Variants in PTPRJ observed in about 807,000 individuals in gnomAD.
The protein encoded by PTPRJ is receptor-type tyrosine-protein phosphatase eta.
A neutral mutation model predicts 141.3 loss-of-function variants in PTPRJ; 129 were observed. That is an observed-to-expected ratio of 0.91 (90% CI 0.79 to 1.06). The LOEUF is 1.06. PTPRJ is among the 50% of genes least tolerant of loss of function. The pLI is 0.00. For synonymous variants in PTPRJ, 610 were observed against 640.5 expected (o/e 0.95, Z 0.72); for missense variants, 1,601 against 1,679.7 (o/e 0.95, Z 0.82).
chr11:48,008,272 AT>A, intron 1 of PTPRJ, among the ~76,000 whole-genome samples: 1 of 152,048 alleles, frequency 6.6e-6, no homozygotes, highest in South Asian at 2.1e-4. Context: ...TTATTTATTT[AT>A]TTTTTGAGAC....
intron 1 of PTPRJ, among the ~76,000 whole-genome samples, chr11:48,019,842 G>A (rs1855063579): frequency 6.6e-6 from 1 of 152,156 alleles, no homozygotes; most frequent in African/African-American, 2.4e-5. Context: ...GGGGACAGGC[G>A]AGGAACCATA....
chr11:48,131,404 T>G, intron 8 of PTPRJ: 1 of 694,006 alleles, frequency 1.4e-6, no homozygotes, highest in East Asian at 2.6e-5. Context: ...ATTTATTTCT[T>G]TCACAAACAT....
chr11:47,999,122 G>A (rs1044645093), intron 1 of PTPRJ, among the ~76,000 whole-genome samples: 1 of 152,226 alleles, frequency 6.6e-6, no homozygotes, highest in Non-Finnish European at 1.5e-5. Flanking sequence ...GACTGCTTGG[G>A]CCCTGTATAG....
rs374932726 is a variant in PTPRJ, at chr11:48,006,496, G to A, written c.96+25488G>A. On this transcript the variant is annotated intron_variant, in intron 1 of 24. Transcript: ENST00000418331. ...CTCTGAACCCTGCAAAAGCTCCCACGTGGAGGCCAGTGAGCTGGTTATAAT... is the reference window on the plus strand; with the variant it reads ...CTCTGAACCCTGCAAAAGCTCCCACATGGAGGCCAGTGAGCTGGTTATAAT... 5.9e-5 allele frequency among the ~76,000 whole-genome samples: 9 copies of A among 152,258 alleles called. No individual in the cohort carries two copies. In the South Asian group the frequency reaches 1.5e-3, roughly 25 times the overall value.
At chr11:48,159,116 A>AGGGGG (rs1857691597) in intron 21 of PTPRJ, among the ~76,000 whole-genome samples, 1 of 8,372 alleles carries the variant, frequency 1.2e-4, no homozygotes, top group African/African-American at 4.7e-4. Context: ...GTGTGTGTGT[A>AGGGGG]TGTGGGGTGT....
intron 1 of PTPRJ, among the ~76,000 whole-genome samples, chr11:48,040,572 C>T (rs1209101889): frequency 6.6e-6 from 1 of 151,924 alleles, no homozygotes; most frequent in Non-Finnish European, 1.5e-5. Flanking sequence ...GACTGCTCAC[C>T]TCTCCAGCTT....
chr11:48,129,875 C>T (rs1189132353), intron 7 of PTPRJ, among the ~76,000 whole-genome samples: 3 of 152,120 alleles, frequency 2.0e-5, no homozygotes, highest in African/African-American at 7.2e-5. Flanking sequence ...GGTTGTGCCC[C>T]ACCCTTAAAG....
rs1366208077 is a variant in PTPRJ at position 48,139,368 on chromosome 11, C to A, written c.2153-118C>A. ...TTGCCCAATTTAGGGTCAGCCCCTGCCTCTTCCACCACATCACCCACCCAC... is the reference window on the plus strand; with the variant it reads ...TTGCCCAATTTAGGGTCAGCCCCTGACTCTTCCACCACATCACCCACCCAC... On this transcript the variant is annotated intron_variant, in intron 10 of 24. Transcript: ENST00000418331. 1.6e-5 allele frequency: 18 copies of A among 1,099,996 alleles called. No homozygotes were observed. The East Asian group carries it at 4.4e-4, about 27-fold the overall frequency. 68.1% of individuals were successfully genotyped at this position (1,099,996 alleles called of 1,614,324 possible).
rs777846293 is a variant in PTPRJ at position 48,144,876 on chromosome 11, G to T, written c.2777G>T (p.Gly926Val). ...TACAATGGGAAGCTGGAACCTCTGG[G>T]CTCCTACCGGTAATGTCTTCTGGTT... ...GYYNGKLEPL[G>V]SYRACVAGFT... The change falls in exon 13 of 25, where the codon GGC (glycine) becomes GTC (valine). Residue 926 changes from glycine (G) to valine (V), a missense_variant. Coordinates refer to ENST00000418331, the MANE Select transcript of PTPRJ (RefSeq NM_002843.4). 1.1e-5 allele frequency: 17 copies of T among 1,614,054 alleles called. No homozygotes were observed. The highest frequency in any genetic ancestry group is 1.4e-5 in the Non-Finnish European group (17 of 1,180,026).
chr11:48,103,926 C>A (rs1411902419), intron 1 of PTPRJ, among the ~76,000 whole-genome samples: 2 of 152,192 alleles, frequency 1.3e-5, no homozygotes, highest in African/African-American at 4.8e-5. Context: ...GGAAGATGAG[C>A]CAGCGGGGAT....
intron 1 of PTPRJ, among the ~76,000 whole-genome samples, chr11:48,055,954 A>T (rs948055096): frequency 6.6e-6 from 1 of 152,064 alleles, no homozygotes; most frequent in Non-Finnish European, 1.5e-5. Flanking sequence ...ATAGGTCAAT[A>T]TACAAGGTGT....
chr11:48,041,050 G>T (rs780581385), intron 1 of PTPRJ, among the ~76,000 whole-genome samples: 7 of 152,152 alleles, frequency 4.6e-5, no homozygotes, highest in Non-Finnish European at 8.8e-5. Context: ...GCTAGTTCCT[G>T]TTGGCCACTT....
Position 48,139,774 on chromosome 11 carries a change from C to A in PTPRJ, c.2441C>A (p.Thr814Lys). Residue 814 changes from threonine (T) to lysine (K), a missense_variant and splice_region_variant, in exon 11 of 25, where the codon ACA becomes AAA. Coordinates refer to ENST00000418331, the MANE Select transcript of PTPRJ (RefSeq NM_002843.4). ...CGGAACACCTGCACTACTGGCATCA[C>A]AGGTGGGCTACAAGGCAGGGGCTGG... Reference protein sequence around the residue: ...PTRNTCTTGITDPPPPDGSPN... With the variant: ...PTRNTCTTGIKDPPPPDGSPN... The A allele has an allele frequency of 3.1e-6, 5 of 1,613,684 alleles. No homozygotes were observed. Among genetic ancestry groups the A allele is most frequent in the Non-Finnish European group, 4.2e-6 (5 of 1,179,930 alleles).
At chr11:48,062,903 A>G (rs78360162) in intron 1 of PTPRJ, among the ~76,000 whole-genome samples, 1,837 of 152,340 alleles carry the variant, frequency 0.012, 45 homozygotes, top group African/African-American at 0.043. Context: ...TAGAGTTGTC[A>G]TGCATTCCAG....
intron 14 of PTPRJ, 123 bp from the exon 15 acceptor site, chr11:48,146,753 G>C: frequency 1.3e-6 from 1 of 742,616 alleles, no homozygotes; most frequent in Non-Finnish European, 2.5e-6. Context: ...GTGTGTGCAT[G>C]CATGTGTGTG....
intron 1 of PTPRJ, among the ~76,000 whole-genome samples, chr11:48,083,242 A>T (rs1855612850): frequency 6.6e-6 from 1 of 152,178 alleles, no homozygotes; most frequent in South Asian, 2.1e-4. Context: ...CCTGACCAAC[A>T]TGGTGAAACC....
intron 1 of PTPRJ, among the ~76,000 whole-genome samples, chr11:48,017,345 C>G (rs934198552): frequency 3.9e-5 from 6 of 152,030 alleles, no homozygotes; most frequent in African/African-American, 1.2e-4. Context: ...TGGGGCTTGG[C>G]TGGATAACAA....
chr11:48,162,261 C>T (rs1267487116), intron 22 of PTPRJ, among the ~76,000 whole-genome samples: 1 of 151,940 alleles, frequency 6.6e-6, no homozygotes, highest in East Asian at 1.9e-4. Flanking sequence ...TTGACTACCA[C>T]CCCTAACCTG....
At chr11:48,005,977 C>T (rs749930926) in intron 1 of PTPRJ, among the ~76,000 whole-genome samples, 8 of 152,250 alleles carry the variant, frequency 5.3e-5, no homozygotes, top group Non-Finnish European at 8.8e-5. Flanking sequence ...CCTGCTGGGC[C>T]AGGCGATTGC....
Sources: gnomAD v4.1 joint callset for allele counts (sites outside exome capture counted in the v4.1 genomes callset) on GRCh38, gnomAD v4.1.1 for gene constraint, MANE v1.5 for transcripts, NCBI Gene and HGNC (gene_info 2026-07-23, HGNC 2026-07-21) for gene names.